Variants in NRXN1 observed in about 807,000 individuals in gnomAD.
The protein encoded by NRXN1 is neurexin-1.
Under a neutral mutation model 150.9 loss-of-function variants are expected in NRXN1, and 39 were observed. The ratio of observed to expected loss-of-function variants is 0.26; its 90% CI spans 0.20 to 0.34. The LOEUF (loss-of-function observed/expected upper bound fraction) is 0.34. NRXN1 is among the 10% of genes least tolerant of loss of function. The pLI is 1.00. For synonymous variants in NRXN1, 924 were observed against 757.0 expected, an observed-to-expected ratio of 1.22 and a Z score of -3.62; for missense variants, 1,815 against 1,949.9, an observed-to-expected ratio of 0.93 and a Z score of 1.30.
chr2:50,961,585 G>C (rs1397972862), intron 2 of NRXN1, among the ~76,000 whole-genome samples: 2 of 151,718 alleles, frequency 1.3e-5, no homozygotes, highest in African/African-American at 4.8e-5. Context: ...TTAAATCTAG[G>C]AAGTTAAATT....
rs2089560222 is a variant in NRXN1, at chr2:50,472,332, A to G, written c.3210T>C (p.Leu1070=). Residue 1070 remains leucine (L), a synonymous_variant, in exon 16 of 23, where the codon CTT becomes CTC. Coordinates refer to ENST00000401669, the MANE Select transcript of NRXN1 (RefSeq NM_001330078.2). ...CTCTCTCGATCTGTCCGTTGCAGAA[A>G]AGAGCATCGGAGATGAGGTCCGGAA... is the stretch of plus-strand genomic sequence containing the variant. ...GRLPDLISDA[L]FCNGQIERGC... is the part of the protein sequence containing the mutation. 1 of 1,610,862 alleles carries G rather than the reference A, an allele frequency of 6.2e-7. No homozygotes were observed. The highest frequency in any genetic ancestry group is 1.7e-5 in the Admixed American group (1 of 59,612).
At chr2:50,829,660 T>A (rs935607837) in intron 5 of NRXN1, 13 of 1,611,490 alleles carry the variant, frequency 8.1e-6, no homozygotes, top group South Asian at 1.1e-5. Context: ...CGGGACGGCA[T>A]CATAACAGGC....
rs572989995 is a variant in NRXN1, at chr2:50,404,516, AG to A, written c.3364+60925del. Among the ~76,000 whole-genome samples, 14 of 152,220 alleles carry A rather than the reference AG, an allele frequency of 9.2e-5. No individual in the cohort carries two copies. In the East Asian group the frequency reaches 2.7e-3, roughly 29 times the overall value. On this transcript the variant is annotated intron_variant, in intron 17 of 22. Coordinates refer to ENST00000401669, the MANE Select transcript of NRXN1 (RefSeq NM_001330078.2). Reference sequence around the variant, plus strand: ...AAGACACAAAGAGTTTTAGGGTTGAAGTGGGAGATATTTCAGGACCCAGGTA... The same window carrying A: ...AAGACACAAAGAGTTTTAGGGTTGAATGGGAGATATTTCAGGACCCAGGTA...
intron 5 of NRXN1, among the ~76,000 whole-genome samples, chr2:50,753,974 C>CG (rs1433774435): frequency 7.9e-6 from 1 of 126,648 alleles, no homozygotes; most frequent in Non-Finnish European, 1.6e-5. Context: ...TGGGGGGGGG[C>CG]GGAATTCCCA....
At chr2:50,711,209 T>C (rs1214637998) in intron 5 of NRXN1, among the ~76,000 whole-genome samples, 1 of 152,068 alleles carries the variant, frequency 6.6e-6, no homozygotes, top group African/African-American at 2.4e-5. Flanking sequence ...AAGCATTGGA[T>C]GGAATGTTTA....
At chr2:50,793,615 T>C (rs1042679015) in intron 5 of NRXN1, among the ~76,000 whole-genome samples, 8 of 152,080 alleles carry the variant, frequency 5.3e-5, no homozygotes, top group African/African-American at 1.4e-4. Context: ...TTCAAAGATA[T>C]ACAGAAAGAG....
intron 18 of NRXN1, among the ~76,000 whole-genome samples, chr2:50,156,030 T>A (rs1219968260): frequency 6.6e-6 from 1 of 151,684 alleles, no homozygotes; most frequent in Non-Finnish European, 1.5e-5. Context: ...TATATATATA[T>A]CAATATGTTT....
chr2:50,069,963 G>A (rs916885160), intron 19 of NRXN1, among the ~76,000 whole-genome samples: 3 of 149,820 alleles, frequency 2.0e-5, no homozygotes, highest in Non-Finnish European at 3.0e-5. Context: ...CCATTCTCCT[G>A]CCTCAGCCTC....
intron 18 of NRXN1, among the ~76,000 whole-genome samples, chr2:50,100,266 T>G (rs1157456493): frequency 6.6e-6 from 1 of 152,046 alleles, no homozygotes; most frequent in Non-Finnish European, 1.5e-5. Flanking sequence ...CGCTTGCCAT[T>G]ATTGGGAAGA....
chr2:50,607,742 C>CAAA (rs71955231), intron 8 of NRXN1, among the ~76,000 whole-genome samples: 2 of 108,304 alleles, frequency 1.8e-5, no homozygotes, highest in Non-Finnish European at 2.1e-5. Flanking sequence ...CTCTAAAAAT[C>CAAA]AAAAAAAAAA....
At chr2:50,305,834 G>T (rs775233139) in intron 17 of NRXN1, among the ~76,000 whole-genome samples, 21 of 152,304 alleles carry the variant, frequency 1.4e-4, no homozygotes, top group South Asian at 1.0e-3. Context: ...TATAAAGAAG[G>T]TAAAAAGCTA....
In NRXN1 at chr2:50,585,546, T is replaced by C. The variant is rs540144217; in HGVS notation, c.1321-32521A>G. Among the ~76,000 whole-genome samples, 22 of 152,286 alleles carry C rather than the reference T, an allele frequency of 1.4e-4. No individual in the cohort carries two copies. The East Asian group carries it at 3.9e-3, about 27-fold the overall frequency. ...ATTTGTTTTTTATGATTAAAAATAA[T>C]ACATGCCCAACAGGATTACAAGAAA... On this transcript the variant is annotated intron_variant, in intron 8 of 22. Coordinates refer to ENST00000401669, the MANE Select transcript of NRXN1 (RefSeq NM_001330078.2).
At chr2:50,487,584 C>G (rs1410358754) in intron 15 of NRXN1, among the ~76,000 whole-genome samples, 2 of 152,206 alleles carry the variant, frequency 1.3e-5, no homozygotes, top group African/African-American at 4.8e-5. Flanking sequence ...GTGGGAGCAG[C>G]AACTTTGTTT....
chr2:50,563,940 G>C (rs1466535122), intron 8 of NRXN1, among the ~76,000 whole-genome samples: 1 of 152,144 alleles, frequency 6.6e-6, no homozygotes, highest in East Asian at 1.9e-4. Context: ...TGGCATTTAA[G>C]ACAGCCAATG....
chr2:50,528,304 C>T (rs529978736), intron 12 of NRXN1, among the ~76,000 whole-genome samples: 2 of 151,946 alleles, frequency 1.3e-5, no homozygotes, highest in South Asian at 4.2e-4. Flanking sequence ...AATATTTTCT[C>T]CTATTTGGTT....
At chr2:50,959,581 A>C (rs944183481) in intron 2 of NRXN1, among the ~76,000 whole-genome samples, 2 of 152,072 alleles carry the variant, frequency 1.3e-5, no homozygotes, top group Non-Finnish European at 2.9e-5. Flanking sequence ...AATAGATGCC[A>C]GGAACTGGGG....
chr2:50,937,117 C>G (rs143196663), intron 2 of NRXN1, among the ~76,000 whole-genome samples: 4 of 152,230 alleles, frequency 2.6e-5, no homozygotes, highest in South Asian at 4.1e-4. Context: ...ACTTGCTCCA[C>G]AGAGCCTGGC....
At chr2:50,263,810 A>G (rs2068562283) in intron 17 of NRXN1, among the ~76,000 whole-genome samples, 1 of 152,146 alleles carries the variant, frequency 6.6e-6, no homozygotes, top group Non-Finnish European at 1.5e-5. Flanking sequence ...GGTGGCAGCT[A>G]CATTCAAAGG....
intron 17 of NRXN1, among the ~76,000 whole-genome samples, chr2:50,381,789 T>C (rs551518307): frequency 1.3e-5 from 2 of 152,280 alleles, no homozygotes; most frequent in South Asian, 4.1e-4. Context: ...GAACCAGCCT[T>C]CTTGGCCTTA....
Sources: gnomAD v4.1 joint callset for allele counts (sites outside exome capture counted in the v4.1 genomes callset) on GRCh38, gnomAD v4.1.1 for gene constraint, MANE v1.5 for transcripts, NCBI Gene and HGNC (gene_info 2026-07-23, HGNC 2026-07-21) for gene names.